The following MYO9A variants were observed in gnomAD, a reference collection of about 807,000 sequenced individuals.
MYO9A encodes unconventional myosin-IXa.
In MYO9A, 103 loss-of-function variants were observed where a neutral mutation model predicts 293.3. The observed-to-expected ratio is 0.35, with a 90% CI of 0.30 to 0.41. The LOEUF (loss-of-function observed/expected upper bound fraction) is 0.41. Among genes scored for constraint, MYO9A ranks in the 10% least tolerant of loss-of-function variants. MYO9A has a pLI of 1.00. For synonymous variants in MYO9A, 1,001 were observed against 1,035.7 expected, an observed-to-expected ratio of 0.97 and a Z score of 0.64; for missense variants, 2,685 against 3,033.0, an observed-to-expected ratio of 0.89 and a Z score of 2.69.
At chr15:72,107,262 A>G (rs903207671) in intron 1 of MYO9A, among the ~76,000 whole-genome samples, 17 of 152,136 alleles carry the variant, frequency 1.1e-4, no homozygotes, top group African/African-American at 3.9e-4. Context: ...TCTAAATACA[A>G]TCTCGGCAGA....
At chr15:72,065,070 T>C (rs1448777208) in intron 1 of MYO9A, among the ~76,000 whole-genome samples, 2 of 152,164 alleles carry the variant, frequency 1.3e-5, no homozygotes, top group African/African-American at 4.8e-5. Context: ...GCCACTGCAA[T>C]TCAGTATGGG....
rs2057364150 is a variant in MYO9A at position 71,897,540 on chromosome 15, G to A, written c.4963C>T (p.His1655Tyr). ...TCTCTGGAAAGGTCATCAGAATTGT[G>A]GCTGTAAGACTGAGTTGGCCTAAAG... ...EHFRPTQSYSHNSDDLSREGN... is the reference protein window; with the variant it reads ...EHFRPTQSYSYNSDDLSREGN... The change falls in exon 25 of 42, where the codon CAC (histidine) becomes TAC (tyrosine). Residue 1655 changes from histidine (H) to tyrosine (Y), a missense_variant. By Grantham distance (83) the His-to-Tyr change is moderately conservative. Coordinates refer to ENST00000356056, the MANE Select transcript of MYO9A (RefSeq NM_006901.4). 3.1e-6 allele frequency: 5 copies of A among 1,613,980 alleles called. No individual in the cohort carries two copies. The highest frequency in any genetic ancestry group is 1.3e-5 in the African/African-American group (1 of 74,928).
At chr15:71,868,700 T>C (rs1433106334) in intron 32 of MYO9A, among the ~76,000 whole-genome samples, 1 of 152,176 alleles carries the variant, frequency 6.6e-6, no homozygotes, top group Non-Finnish European at 1.5e-5. Context: ...TTATATAACA[T>C]GCTACATTTT....
chr15:72,100,288 G>A (rs924064922), intron 1 of MYO9A, among the ~76,000 whole-genome samples: 12 of 152,336 alleles, frequency 7.9e-5, no homozygotes, highest in East Asian at 1.9e-4. Context: ...AGGCCGAGGC[G>A]TGCAGATCAC....
chr15:72,111,501 A>T (rs1426606899), intron 1 of MYO9A, among the ~76,000 whole-genome samples: 1 of 151,578 alleles, frequency 6.6e-6, no homozygotes, highest in African/African-American at 2.4e-5. Context: ...AAAAAAAAAA[A>T]TTAATAAATA....
At chr15:71,893,823 T>C in intron 25 of MYO9A, 45 bp from the exon 26 acceptor site, 1 of 1,494,652 alleles carries the variant, frequency 6.7e-7, no homozygotes, top group Non-Finnish European at 9.3e-7. Flanking sequence ...TTAGCAGATA[T>C]CCCATGGCAG....
At chr15:72,090,938 A>G (rs558956983) in intron 1 of MYO9A, among the ~76,000 whole-genome samples, 1 of 151,080 alleles carries the variant, frequency 6.6e-6, no homozygotes, top group East Asian at 1.9e-4. Flanking sequence ...GAGGTGGGAA[A>G]ACCACTTGAG....
intron 2 of MYO9A, among the ~76,000 whole-genome samples, chr15:72,040,527 A>G (rs1188174688): frequency 3.3e-5 from 5 of 152,136 alleles, no homozygotes; most frequent in Non-Finnish European, 7.4e-5. Flanking sequence ...CTTTTCATTC[A>G]TTAATTTTAC....
chr15:71,933,846 T>C, intron 17 of MYO9A, 137 bp from the exon 18 acceptor site: 4 of 723,366 alleles, frequency 5.5e-6, no homozygotes, highest in Non-Finnish European at 9.4e-6. Flanking sequence ...AGGTTCTTTA[T>C]ATGAAAACAC....
At position 72,046,538 on chromosome 15, in the gene MYO9A, C is replaced by T; in HGVS notation, c.26G>A (p.Arg9Gln). 1 of 1,602,884 alleles carries T rather than the reference C, an allele frequency of 6.2e-7. No individual in the cohort carries two copies. Among genetic ancestry groups the T allele is most frequent in the Non-Finnish European group, 8.5e-7 (1 of 1,173,624 alleles). The part of the protein sequence containing the change: MNINDGGR[R>Q]RFEDNEHTLR... ...TGTATGTTCATTATCTTCAAAGCGT[C>T]GTCTTCCTCCATCATTTATATTCAT... Residue 9 changes from arginine to glutamine, a missense_variant, in exon 2 of 42, where the codon CGA becomes CAA. Around this residue, in one of 10 missense-constraint regions of MYO9A, gnomAD observed 67 missense variants for 63.2 expected, o/e 1.06. Transcript: ENST00000356056.
intron 32 of MYO9A, among the ~76,000 whole-genome samples, chr15:71,875,196 A>G (rs2056646139): frequency 6.6e-6 from 1 of 152,038 alleles, no homozygotes; most frequent in Admixed American, 6.6e-5. Flanking sequence ...GATGTTGTGT[A>G]TATGATGTAT....
intron 15 of MYO9A, among the ~76,000 whole-genome samples, chr15:71,945,769 T>G (rs767843386): frequency 2.2e-4 from 33 of 152,184 alleles, no homozygotes; most frequent in Non-Finnish European, 4.3e-4. Flanking sequence ...TTAGCAAATG[T>G]CAAATTTAAG....
chr15:71,917,008 T>C (rs909521897), intron 18 of MYO9A, among the ~76,000 whole-genome samples: 4 of 152,226 alleles, frequency 2.6e-5, no homozygotes, highest in Non-Finnish European at 5.9e-5. Flanking sequence ...ACAGGCAGTA[T>C]GTACCGCAAG....
intron 1 of MYO9A, among the ~76,000 whole-genome samples, chr15:72,088,151 G>A (rs1368548997): frequency 6.6e-6 from 1 of 152,202 alleles, no homozygotes; most frequent in African/African-American, 2.4e-5. Flanking sequence ...GTCACCAGGA[G>A]TGTAGGAAAA....
In MYO9A at chr15:71,968,115, C is replaced by T; in HGVS notation, c.1855G>A (p.Ala619Thr). The T allele has an allele frequency of 6.4e-7, 1 of 1,571,644 alleles. No individual in the cohort carries two copies. Among genetic ancestry groups the T allele is most frequent in the South Asian group, 1.2e-5 (1 of 83,640 alleles). Residue 619 changes from alanine to threonine, a missense_variant, in exon 13 of 42, where the codon GCT becomes ACT. Coordinates refer to ENST00000356056, the MANE Select transcript of MYO9A (RefSeq NM_006901.4). The part of the protein sequence containing the change: ...LLDEESNFPQ[A>T]TNQTLLDKFK... ...TTGTCTAGCAATGTTTGATTTGTAG[C>T]CTGTGGAAAGCTGAATTAAAAAAAA...
chr15:72,015,683 G>GTTTTTTTTTTTT (rs10708457), intron 6 of MYO9A, among the ~76,000 whole-genome samples: 1 of 113,468 alleles, frequency 8.8e-6, no homozygotes, highest in African/African-American at 3.7e-5. Flanking sequence ...CTCAGATCAG[G>GTTTTTTTTTTTT]TTTTTTTTTT....
chr15:72,007,887 C>T lies in MYO9A; in HGVS notation c.1319G>A (p.Arg440Gln), dbSNP rs377467034. ...ATTACAGATATCAATGGAGTCATCC[C>T]GGTATGTCTTCTTTTTGTAACAGAT... Reference protein sequence around the residue: ...GNICYKKKTYRDDSIDICNPE... With the variant: ...GNICYKKKTYQDDSIDICNPE... Residue 440 changes from arginine to glutamine, a missense_variant, in exon 8 of 42, where the codon CGG becomes CAG. Around this residue, in one of 10 missense-constraint regions of MYO9A, gnomAD observed 289 missense variants for 456.8 expected, o/e 0.63. Transcript: ENST00000356056. The T allele has an allele frequency of 1.5e-5, 25 of 1,612,942 alleles. No individual in the cohort carries two copies. Among genetic ancestry groups the T allele is most frequent in the African/African-American group, 4.0e-5 (3 of 74,952 alleles).
intron 8 of MYO9A, among the ~76,000 whole-genome samples, chr15:72,006,140 C>T (rs1208824745): frequency 1.3e-5 from 2 of 152,022 alleles, no homozygotes; most frequent in South Asian, 2.1e-4. Flanking sequence ...TGTAGTGGCA[C>T]GATCTAAGGT....
In MYO9A at chr15:71,830,841, T is replaced by G. The variant is rs889884109; in HGVS notation, c.6838-530A>C. ...CTCTAGGAAGACCATAGAAGTATGT[T>G]CTAAAACTCAGTTTTGAAAAACAAA... is the stretch of plus-strand genomic sequence containing the variant. On this transcript the variant is annotated intron_variant, in intron 39 of 41. Transcript: ENST00000356056. 2.6e-5 allele frequency among the ~76,000 whole-genome samples: 4 copies of G among 152,168 alleles called. No individual in the cohort carries two copies. The East Asian group carries it at 5.8e-4, about 22-fold the overall frequency.
Sources: allele counts gnomAD v4.1 joint callset (sites outside exome capture counted in the v4.1 genomes callset), GRCh38; gene constraint gnomAD v4.1.1; regional missense constraint gnomAD v4.1.1; transcripts MANE v1.5; gene names NCBI Gene and HGNC (gene_info 2026-07-23, HGNC 2026-07-21).